The following ATG10 variants were observed in gnomAD, a reference collection of about 807,000 sequenced individuals.
The protein encoded by ATG10 is autophagy related 10, also known as ubiquitin-like-conjugating enzyme ATG10.
Under a neutral mutation model 32.1 loss-of-function variants are expected in ATG10, and 30 were observed. The ratio of observed to expected loss-of-function variants is 0.94; its 90% CI spans 0.70 to 1.27. ATG10 has a LOEUF of 1.27. ATG10 is among the 50% of genes most tolerant of loss of function. The pLI, the probability that ATG10 is intolerant of heterozygous loss-of-function variation, is 0.00. For synonymous variants in ATG10, 87 were observed against 91.5 expected, an observed-to-expected ratio of 0.95 and a Z score of 0.28; for missense variants, 233 against 262.3, an observed-to-expected ratio of 0.89 and a Z score of 0.77.
At chr5:82,201,673 G>A (rs1745074110) in intron 5 of ATG10, among the ~76,000 whole-genome samples, 1 of 152,116 alleles carries the variant, frequency 6.6e-6, no homozygotes, top group East Asian at 1.9e-4. Flanking sequence ...GAATACCCAC[G>A]AAAAATACTG....
chr5:82,014,895 G>A (rs533302266), intron 2 of ATG10, among the ~76,000 whole-genome samples: 11 of 152,256 alleles, frequency 7.2e-5, no homozygotes, highest in East Asian at 1.9e-4. Flanking sequence ...GATTTTGCTC[G>A]TTAGTTGATG....
At chr5:82,196,528 G>C (rs1028895244) in intron 5 of ATG10, among the ~76,000 whole-genome samples, 3 of 152,040 alleles carry the variant, frequency 2.0e-5, no homozygotes, top group African/African-American at 7.2e-5. Flanking sequence ...TTTACATTTA[G>C]GTCTTTCATC....
At chr5:82,004,884 A>G (rs1475500530) in intron 2 of ATG10, among the ~76,000 whole-genome samples, 3 of 152,224 alleles carry the variant, frequency 2.0e-5, no homozygotes, top group Non-Finnish European at 4.4e-5. Context: ...GTAACAATTA[A>G]TTCTCAAAAT....
At chr5:82,015,042 G>A (rs1173996645) in intron 2 of ATG10, among the ~76,000 whole-genome samples, 1 of 152,188 alleles carries the variant, frequency 6.6e-6, no homozygotes, top group Non-Finnish European at 1.5e-5. Flanking sequence ...AAATCTCTCA[G>A]CATTTGCTTG....
intron 3 of ATG10, among the ~76,000 whole-genome samples, chr5:82,136,325 G>C (rs934044742): frequency 6.6e-6 from 1 of 152,048 alleles, no homozygotes; most frequent in African/African-American, 2.4e-5. Flanking sequence ...TAGTGTCGAC[G>C]GTCTTTACAA....
At chr5:82,079,984 A>G (rs1219281611) in intron 3 of ATG10, among the ~76,000 whole-genome samples, 1 of 152,230 alleles carries the variant, frequency 6.6e-6, no homozygotes, top group African/African-American at 2.4e-5. Context: ...TCCCACCAAC[A>G]GTGTAAAAGC....
intron 5 of ATG10, among the ~76,000 whole-genome samples, chr5:82,240,595 A>C (rs879407515): frequency 6.6e-6 from 1 of 152,218 alleles, no homozygotes; most frequent in Admixed American, 6.5e-5. Flanking sequence ...AATGTTTGTT[A>C]GAACAATAGG....
rs142715120 is a variant in ATG10 at position 82,254,899 on chromosome 5, A to AGAGTGT, written c.*837_*838insAGTGTG. 2.7e-5 allele frequency: 4 copies of AGAGTGT among 149,750 alleles called. No individual in the cohort carries two copies. Among genetic ancestry groups the AGAGTGT allele is most frequent in the East Asian group, 2.0e-4 (1 of 4,958 alleles). The allele number at this position is 149,750 out of a possible 1,614,324, so 9.3% of individuals were successfully genotyped here. On this transcript the variant is annotated 3_prime_UTR_variant, in exon 8 of 8. Coordinates refer to ENST00000282185, the MANE Select transcript of ATG10 (RefSeq NM_031482.5). The stretch of plus-strand genomic sequence containing the variant: ...AAAAGAGAGAGAGAGAGTGAGTGTG[A>AGAGTGT]GTGTGTGTGTGTGTGTGTGTGTATG...
At chr5:82,142,607 C>A (rs958389448) in intron 3 of ATG10, among the ~76,000 whole-genome samples, 53 of 152,098 alleles carry the variant, frequency 3.5e-4, no homozygotes, top group African/African-American at 1.1e-3. Context: ...GAAGTGAGAT[C>A]GAATATTGAC....
chr5:82,081,377 C>A (rs1171639965), intron 3 of ATG10, among the ~76,000 whole-genome samples: 1 of 152,140 alleles, frequency 6.6e-6, no homozygotes, highest in Non-Finnish European at 1.5e-5. Context: ...TTGCCCTGGC[C>A]AGAACTTCCA....
At chr5:82,206,957 G>T (rs1745323411) in intron 5 of ATG10, among the ~76,000 whole-genome samples, 1 of 152,088 alleles carries the variant, frequency 6.6e-6, no homozygotes, top group Admixed American at 6.6e-5. Context: ...CATCCATGTT[G>T]TTCCATGTAG....
At chr5:82,247,706 C>T (rs149891911) in intron 5 of ATG10, among the ~76,000 whole-genome samples, 117 of 152,308 alleles carry the variant, frequency 7.7e-4, no homozygotes, top group African/African-American at 2.8e-3. Context: ...TTGCATGTCA[C>T]ATAAATTCCT....
chr5:82,104,081 A>G (rs1765372327), intron 3 of ATG10, among the ~76,000 whole-genome samples: 4 of 152,092 alleles, frequency 2.6e-5, no homozygotes, highest in Admixed American at 6.6e-5. Flanking sequence ...TTGTTTATAC[A>G]TTCTACAAAA....
Position 82,149,420 on chromosome 5 carries a change from C to T in ATG10, c.217-14979C>T, listed in dbSNP as rs568389904. Among the ~76,000 whole-genome samples, 26 of 152,034 alleles carry T rather than the reference C, an allele frequency of 1.7e-4. No individual in the cohort carries two copies. In the South Asian group the frequency reaches 5.4e-3, roughly 32 times the overall value. On this transcript the variant is annotated intron_variant, in intron 3 of 7. Coordinates refer to ENST00000282185, the MANE Select transcript of ATG10 (RefSeq NM_031482.5). ...GGAGTAGCCCATTCTAACACATGGA[C>T]CCCAAACAGAACTTGGATCTTGAAT...
intron 3 of ATG10, among the ~76,000 whole-genome samples, chr5:82,136,454 G>A (rs1346847909): frequency 1.3e-5 from 2 of 152,146 alleles, no homozygotes; most frequent in African/African-American, 4.8e-5. Context: ...TTGCTTGTCT[G>A]TAAAGGATTT....
At chr5:82,157,977 GT>G (rs943519695) in intron 3 of ATG10, among the ~76,000 whole-genome samples, 13 of 152,142 alleles carry the variant, frequency 8.5e-5, no homozygotes, top group African/African-American at 2.9e-4. Flanking sequence ...TAGAAGAAAA[GT>G]TTTTCTTCCT....
intron 5 of ATG10, among the ~76,000 whole-genome samples, chr5:82,240,193 C>A (rs1211170129): frequency 1.3e-5 from 2 of 152,150 alleles, no homozygotes; most frequent in African/African-American, 4.8e-5. Context: ...GAAAGGAAAT[C>A]AGCATGTGAA....
At chr5:81,982,496 C>T (rs1223331605) in intron 1 of ATG10, among the ~76,000 whole-genome samples, 1 of 151,530 alleles carries the variant, frequency 6.6e-6, no homozygotes, top group African/African-American at 2.4e-5. Context: ...ACATGAGGAG[C>T]GCTGACTCAT....
At chr5:82,245,921 A>T (rs1272177241) in intron 5 of ATG10, among the ~76,000 whole-genome samples, 1 of 149,306 alleles carries the variant, frequency 6.7e-6, no homozygotes. Context: ...TTAATTATGG[A>T]TGCTTCTGAC....
Sources: gnomAD v4.1 joint callset for allele counts (sites outside exome capture counted in the v4.1 genomes callset) on GRCh38, gnomAD v4.1.1 for gene constraint, MANE v1.5 for transcripts, NCBI Gene and HGNC (gene_info 2026-07-23, HGNC 2026-07-21) for gene names.